CAMTA1: variants seen among roughly 807,000 people sequenced by gnomAD.
The protein encoded by CAMTA1 is calmodulin-binding transcription activator 1.
CAMTA1 carries 27 observed loss-of-function variants against 170.9 expected under a neutral mutation model. The observed-to-expected ratio is 0.16, with a 90% CI of 0.12 to 0.22. The LOEUF (loss-of-function observed/expected upper bound fraction) is 0.22. Ranked by LOEUF, CAMTA1 falls within the 10% of genes least tolerant of loss-of-function variation. CAMTA1 has a pLI of 1.00. For missense variants in CAMTA1, 1,619 were observed against 2,217.2 expected, an observed-to-expected ratio of 0.73 and a Z score of 5.42; for synonymous variants, 833 against 891.5, an observed-to-expected ratio of 0.93 and a Z score of 1.17.
chr1:7,601,801 C>T (rs1239478012), intron 6 of CAMTA1, among the ~76,000 whole-genome samples: 1 of 152,182 alleles, frequency 6.6e-6, no homozygotes, highest in Non-Finnish European at 1.5e-5. Flanking sequence ...ACCAGTCAGG[C>T]ATGGCGGCGC....
chr1:7,313,995 T>C (rs1574617289), intron 5 of CAMTA1, among the ~76,000 whole-genome samples: 1 of 152,284 alleles, frequency 6.6e-6, no homozygotes, highest in Admixed American at 6.5e-5. Flanking sequence ...GGAATCTAGA[T>C]TCCCACCCAC....
chr1:6,939,216 CA>C (rs1346717787), intron 3 of CAMTA1, among the ~76,000 whole-genome samples: 9 of 152,204 alleles, frequency 5.9e-5, no homozygotes, highest in African/African-American at 2.2e-4. Flanking sequence ...ACTAGTTCAG[CA>C]GGGGAACTGC....
intron 8 of CAMTA1, among the ~76,000 whole-genome samples, chr1:7,662,307 A>G (rs1160285120): frequency 6.6e-6 from 1 of 152,250 alleles, no homozygotes; most frequent in Non-Finnish European, 1.5e-5. Context: ...CTCCAAGAAC[A>G]TGAAGCGTCC....
At chr1:7,229,102 G>C (rs1471059527) in intron 4 of CAMTA1, among the ~76,000 whole-genome samples, 2 of 151,930 alleles carry the variant, frequency 1.3e-5, no homozygotes, top group African/African-American at 2.4e-5. Context: ...AGGAGGAGAT[G>C]ATGAGGCCAC....
At chr1:7,381,342 C>T (rs1417415471) in intron 5 of CAMTA1, among the ~76,000 whole-genome samples, 1 of 142,438 alleles carries the variant, frequency 7.0e-6, no homozygotes, top group Non-Finnish European at 1.5e-5. Flanking sequence ...GTGTGATGTT[C>T]CCCTTCCTGT....
rs561570210 is a variant in CAMTA1 at position 7,584,366 on chromosome 1, G to A, written c.511-56034G>A. 2.2e-4 allele frequency among the ~76,000 whole-genome samples: 33 copies of A among 152,180 alleles called. 1 individual carries two copies. The highest frequency in any genetic ancestry group is 1.0e-3 in the Admixed American group (16 of 15,304). On this transcript the variant is annotated intron_variant, in intron 6 of 22. Transcript: ENST00000303635. Reference sequence around the variant, plus strand: ...GGCTTCCGGCTGAACTGTCTCGCTCGGATTAGGCCTGCAGGCAGGCCAGGA... The same window carrying A: ...GGCTTCCGGCTGAACTGTCTCGCTCAGATTAGGCCTGCAGGCAGGCCAGGA...
intron 6 of CAMTA1, among the ~76,000 whole-genome samples, chr1:7,584,913 G>A (rs529953140): frequency 2.6e-5 from 4 of 152,276 alleles, no homozygotes; most frequent in African/African-American, 7.2e-5. Context: ...GGCCTACGAC[G>A]CCAGTACTCG....
At chr1:7,448,899 C>T (rs1023492213) in intron 5 of CAMTA1, among the ~76,000 whole-genome samples, 1 of 152,240 alleles carries the variant, frequency 6.6e-6, no homozygotes, top group Non-Finnish European at 1.5e-5. Flanking sequence ...GGGCGCCCAG[C>T]AGCACTGCCT....
At chr1:7,726,316 T>C (rs972447882) in intron 11 of CAMTA1, among the ~76,000 whole-genome samples, 2 of 152,178 alleles carry the variant, frequency 1.3e-5, no homozygotes, top group Non-Finnish European at 2.9e-5. Flanking sequence ...TAGCTCAGTG[T>C]AGTTCTGGAT....
intron 11 of CAMTA1, among the ~76,000 whole-genome samples, chr1:7,717,096 A>G (rs765069004): frequency 5.9e-5 from 9 of 152,118 alleles, no homozygotes; most frequent in Non-Finnish European, 1.3e-4. Flanking sequence ...TGGACAATAG[A>G]ATAGTCATTA....
At chr1:7,312,811 C>A (rs1023313879) in intron 5 of CAMTA1, among the ~76,000 whole-genome samples, 1 of 152,118 alleles carries the variant, frequency 6.6e-6, no homozygotes, top group African/African-American at 2.4e-5. Context: ...TTTTATTCCC[C>A]TTTGATGTGA....
At chr1:7,252,839 C>A (rs1666832504) in intron 5 of CAMTA1, among the ~76,000 whole-genome samples, 1 of 152,160 alleles carries the variant, frequency 6.6e-6, no homozygotes, top group South Asian at 2.1e-4. Context: ...ATAAGCCTTC[C>A]CTCAGGCCAG....
intron 3 of CAMTA1, among the ~76,000 whole-genome samples, chr1:7,046,964 C>T (rs1705482287): frequency 6.6e-6 from 1 of 152,186 alleles, no homozygotes; most frequent in East Asian, 1.9e-4. Flanking sequence ...CTCCTGGGTG[C>T]CCATGGTGGA....
intron 5 of CAMTA1, among the ~76,000 whole-genome samples, chr1:7,358,613 T>G (rs2149956094): frequency 6.6e-6 from 1 of 152,320 alleles, no homozygotes; most frequent in African/African-American, 2.4e-5. Flanking sequence ...CTCGTCAGAC[T>G]TGGCTACCTC....
intron 3 of CAMTA1, among the ~76,000 whole-genome samples, chr1:6,996,742 A>ATT (rs1402133728): frequency 1.3e-5 from 2 of 152,128 alleles, no homozygotes; most frequent in African/African-American, 4.8e-5. Context: ...TCAGAAACTT[A>ATT]CCCAGTCTTA....
chr1:7,297,579 C>A (rs773430343), intron 5 of CAMTA1, among the ~76,000 whole-genome samples: 3 of 152,236 alleles, frequency 2.0e-5, no homozygotes, highest in Non-Finnish European at 4.4e-5. Flanking sequence ...CTGCCCTCAA[C>A]CAAGTACTCA....
At chr1:7,594,833 C>G (rs192579461) in intron 6 of CAMTA1, among the ~76,000 whole-genome samples, 72 of 152,242 alleles carry the variant, frequency 4.7e-4, no homozygotes, top group African/African-American at 1.7e-3. Flanking sequence ...GGGGAACAGG[C>G]GGGATGAAGA....
chr1:6,857,751 C>G (rs536669778), intron 3 of CAMTA1, among the ~76,000 whole-genome samples: 1 of 152,162 alleles, frequency 6.6e-6, no homozygotes, highest in Non-Finnish European at 1.5e-5. Flanking sequence ...ACATAAAAAA[C>G]ATTCCTGTCT....
intron 6 of CAMTA1, among the ~76,000 whole-genome samples, chr1:7,610,491 T>C (rs1245727054): frequency 6.6e-6 from 1 of 152,152 alleles, no homozygotes; most frequent in African/African-American, 2.4e-5. Flanking sequence ...CCCCCCAGCC[T>C]CAGTTTCTCC....
Sources: gnomAD v4.1 joint callset for allele counts (sites outside exome capture counted in the v4.1 genomes callset) on GRCh38, gnomAD v4.1.1 for gene constraint, MANE v1.5 for transcripts, NCBI Gene and HGNC (gene_info 2026-07-23, HGNC 2026-07-21) for gene names.